Variants in SEZ6L observed in about 807,000 individuals in gnomAD.
SEZ6L encodes seizure related 6 homolog like.
In SEZ6L, 37 loss-of-function variants were observed where a neutral mutation model predicts 106.2. The ratio of observed to expected loss-of-function variants is 0.35; its 90% CI spans 0.27 to 0.46. SEZ6L has a LOEUF of 0.46. SEZ6L is among the 20% of genes least tolerant of loss of function. The pLI is 1.00. For missense variants in SEZ6L, 1,172 were observed against 1,332.8 expected (o/e 0.88, Z 1.88); for synonymous variants, 541 against 570.4 (o/e 0.95, Z 0.73).
intron 1 of SEZ6L, among the ~76,000 whole-genome samples, chr22:26,230,113 C>T (rs1448407176): frequency 6.6e-6 from 1 of 152,110 alleles, no homozygotes; most frequent in Non-Finnish European, 1.5e-5. Flanking sequence ...CATCAGCATC[C>T]ACAGGAACAG....
At chr22:26,374,490 G>A (rs1038630894) in intron 14 of SEZ6L, among the ~76,000 whole-genome samples, 2 of 152,098 alleles carry the variant, frequency 1.3e-5, no homozygotes, top group Non-Finnish European at 2.9e-5. Flanking sequence ...GAAAACAGAG[G>A]GCACTTCGTG....
chr22:26,256,242 T>C (rs5761453), intron 1 of SEZ6L, among the ~76,000 whole-genome samples: 37,416 of 152,084 alleles, frequency 0.25, 5,248 homozygotes, highest in East Asian at 0.32. Flanking sequence ...CAGGGACGTG[T>C]GCATGAAAGA....
intron 1 of SEZ6L, among the ~76,000 whole-genome samples, chr22:26,273,465 G>A (rs889226051): frequency 2.6e-5 from 4 of 152,266 alleles, no homozygotes; most frequent in Non-Finnish European, 5.9e-5. Flanking sequence ...TCTGTGCGCC[G>A]CCTCGGCCTC....
intron 1 of SEZ6L, among the ~76,000 whole-genome samples, chr22:26,241,062 G>A (rs369728030): frequency 6.6e-6 from 1 of 152,104 alleles, no homozygotes; most frequent in African/African-American, 2.4e-5. Flanking sequence ...TCCAGGCAGG[G>A]GAACGGCCCT....
chr22:26,289,185 G>A (rs1033821376), intron 1 of SEZ6L, among the ~76,000 whole-genome samples: 1 of 152,162 alleles, frequency 6.6e-6, no homozygotes, highest in African/African-American at 2.4e-5. Flanking sequence ...CTCAGCTCCT[G>A]GTTGTATCCA....
At chr22:26,310,551 A>T in intron 6 of SEZ6L, 119 bp from the exon 7 acceptor site, 2 of 1,073,398 alleles carry the variant, frequency 1.9e-6, no homozygotes, top group Non-Finnish European at 2.7e-6. Context: ...AAAGAGGCAG[A>T]GTTAGGTTTG....
chr22:26,234,047 A>G (rs1181767482), intron 1 of SEZ6L, among the ~76,000 whole-genome samples: 2 of 152,176 alleles, frequency 1.3e-5, no homozygotes, highest in Admixed American at 6.5e-5. Context: ...TCTGATGCCA[A>G]TGTAGGAGTT....
intron 9 of SEZ6L, among the ~76,000 whole-genome samples, chr22:26,336,468 ATT>A (rs1418729598): frequency 2.5e-4 from 38 of 152,268 alleles, no homozygotes; most frequent in Non-Finnish European, 5.9e-5. Flanking sequence ...TTCAAAAGGC[ATT>A]TGTATGTTTG....
intron 11 of SEZ6L, among the ~76,000 whole-genome samples, chr22:26,348,647 A>AG (rs1462224935): frequency 6.3e-3 from 27 of 4,276 alleles, no homozygotes; most frequent in African/African-American, 0.029. Context: ...AAAGAAAGAA[A>AG]AAGAAAGAAA....
At chr22:26,226,565 G>T (rs1438159983) in intron 1 of SEZ6L, among the ~76,000 whole-genome samples, 1 of 152,104 alleles carries the variant, frequency 6.6e-6, no homozygotes, top group African/African-American at 2.4e-5. Flanking sequence ...TGGGTTTTTT[G>T]TGTGTATATG....
At chr22:26,242,557 G>A (rs928155251) in intron 1 of SEZ6L, among the ~76,000 whole-genome samples, 3 of 152,086 alleles carry the variant, frequency 2.0e-5, no homozygotes, top group Non-Finnish European at 4.4e-5. Context: ...ATTGATACCC[G>A]TGGAAATGGA....
At chr22:26,220,832 A>G (rs148356658) in intron 1 of SEZ6L, among the ~76,000 whole-genome samples, 11 of 152,220 alleles carry the variant, frequency 7.2e-5, no homozygotes, top group African/African-American at 2.6e-4. Context: ...AGAATGGATG[A>G]ATTGAGAGAA....
chr22:26,294,757 C>T (rs964742738), intron 3 of SEZ6L, among the ~76,000 whole-genome samples: 9 of 148,794 alleles, frequency 6.0e-5, no homozygotes, highest in East Asian at 2.0e-4. Context: ...CACACACACA[C>T]GGAAGCTCCA....
At chr22:26,303,443 A>G in intron 5 of SEZ6L, among the ~76,000 whole-genome samples, 1 of 152,266 alleles carries the variant, frequency 6.6e-6, no homozygotes, top group East Asian at 1.9e-4. Flanking sequence ...CAAACATTTT[A>G]TAAAGCAACT....
chr22:26,241,017 G>A (rs991951989), intron 1 of SEZ6L, among the ~76,000 whole-genome samples: 2 of 152,188 alleles, frequency 1.3e-5, no homozygotes, highest in Non-Finnish European at 2.9e-5. Context: ...ACCCAAGTGA[G>A]GGAGAGAGAC....
intron 1 of SEZ6L, among the ~76,000 whole-genome samples, chr22:26,260,904 A>AT (rs372934830): frequency 0.014 from 2,048 of 151,638 alleles, 20 homozygotes; most frequent in Non-Finnish European, 0.02. Flanking sequence ...TTGTATTTTG[A>AT]TTTTTTTTGT....
chr22:26,304,370 AAG>A (rs1491505507), intron 5 of SEZ6L, among the ~76,000 whole-genome samples: 2 of 6,902 alleles, frequency 2.9e-4, no homozygotes, highest in South Asian at 9.6e-3. Flanking sequence ...AAAAAGAAAG[AAG>A]AAAGAAAGAA....
chr22:26,247,813 T>C (rs2073258), intron 1 of SEZ6L, among the ~76,000 whole-genome samples: 35,665 of 152,104 alleles, frequency 0.23, 4,963 homozygotes, highest in East Asian at 0.38. Flanking sequence ...ATAGCGGAAA[T>C]CTCACATCTC....
rs2078876919 is a variant in SEZ6L, at chr22:26,233,867, G to C, written c.95-58539G>C. The stretch of plus-strand genomic sequence containing the variant: ...GAAGGTGACATTTGAGCTGGGGCCT[G>C]GGCAGTGAAGAGGAGCCAGCCAGGT... On this transcript the variant is annotated intron_variant, in intron 1 of 16. Transcript: ENST00000248933. 1.3e-5 allele frequency among the ~76,000 whole-genome samples: 2 copies of C among 152,158 alleles called. 1 individual carries two copies. The highest frequency in any genetic ancestry group is 1.3e-4 in the Admixed American group (2 of 15,278).
Sources: allele counts gnomAD v4.1 joint callset (sites outside exome capture counted in the v4.1 genomes callset), GRCh38; gene constraint gnomAD v4.1.1; transcripts MANE v1.5; gene names NCBI Gene and HGNC (gene_info 2026-07-23, HGNC 2026-07-21).